The following ABCC8 variants were observed in gnomAD, a reference collection of about 807,000 sequenced individuals.
ABCC8 encodes the protein ATP-binding cassette sub-family C member 8.
ABCC8 carries 137 observed loss-of-function variants against 188.0 expected under a neutral mutation model. The ratio of observed to expected loss-of-function variants is 0.73; its 90% CI spans 0.63 to 0.84. The LOEUF is 0.84. Ranked by LOEUF, ABCC8 falls within the 40% of genes least tolerant of loss-of-function variation. The pLI, the probability that ABCC8 is intolerant of heterozygous loss-of-function variation, is 0.00. For synonymous variants in ABCC8, 797 were observed against 846.5 expected (o/e 0.94, Z 1.01); for missense variants, 1,750 against 2,072.7 (o/e 0.84, Z 3.02).
At chr11:17,467,085 C>CACACACAA (rs1554945177) in intron 3 of ABCC8, among the ~76,000 whole-genome samples, 2 of 150,680 alleles carry the variant, frequency 1.3e-5, no homozygotes, top group Non-Finnish European at 2.9e-5. Context: ...CACACACACA[C>CACACACAA]AACTTCCCAT....
chr11:17,443,351 T>G, intron 8 of ABCC8, 39 bp from the exon 9 acceptor site: 4 of 1,613,636 alleles, frequency 2.5e-6, no homozygotes, highest in Non-Finnish European at 3.4e-6. Context: ...TTTGACCTGA[T>G]GGTTGCCCTG....
At chr11:17,442,929 C>G (rs1193381667) in intron 9 of ABCC8, 47 bp from the exon 10 acceptor site, 2 of 1,604,120 alleles carry the variant, frequency 1.2e-6, no homozygotes, top group Admixed American at 3.3e-5. Context: ...GCTCCGTCTC[C>G]CACCCGAGAG....
chr11:17,427,865 A>G lies in ABCC8; in HGVS notation c.2116+2T>C, dbSNP rs786204676. 6.2e-6 allele frequency: 10 copies of G among 1,613,796 alleles called. No individual in the cohort carries two copies. Among genetic ancestry groups the G allele is most frequent in the Non-Finnish European group, 8.5e-6 (10 of 1,179,938 alleles). ...ATGCTGGAGGGGTGGACTGGGCCAT[A>G]CCTCGGGGGATACGAATGGTGATGT... is the stretch of plus-strand genomic sequence containing the variant. On this transcript the variant is annotated splice_donor_variant, in intron 15 of 38. Coordinates refer to ENST00000389817, the MANE Select transcript of ABCC8 (RefSeq NM_000352.6). LOFTEE classifies it high-confidence loss of function. This position sits in a 1 kb window ranked among gnomAD's most constrained non-coding sequence, Gnocchi z 5.0.
In ABCC8 at chr11:17,395,191, C is replaced by T. The variant is rs2133398226; in HGVS notation, c.4392G>A (p.Lys1464=). ...LEIAQLKLVV[K]ALPGGLDAII... ...AGTTACCGAGGCCTCCTGGCAGTGCCTTCACCACCAGCTTCAGCTGGGCGA... is the reference window on the plus strand; with the variant it reads ...AGTTACCGAGGCCTCCTGGCAGTGCTTTCACCACCAGCTTCAGCTGGGCGA... Residue 1464 remains lysine (K), a synonymous_variant, in exon 36 of 39, where the codon AAG becomes AAA. Transcript: ENST00000389817. 2 of 1,583,746 alleles carry T rather than the reference C, an allele frequency of 1.3e-6. No homozygotes were observed. The highest frequency in any genetic ancestry group is 1.7e-4 in the Middle Eastern group (1 of 6,022).
chr11:17,395,533 C>T (rs1953870926), intron 35 of ABCC8, 77 bp downstream of exon 35: 2 of 1,524,242 alleles, frequency 1.3e-6, no homozygotes, highest in Middle Eastern at 1.7e-4. Flanking sequence ...CCCCCAACCC[C>T]CTCCTCTTTG....
At chr11:17,460,742 C>A in intron 5 of ABCC8, 66 bp from the exon 6 acceptor site, 1 of 1,593,408 alleles carries the variant, frequency 6.3e-7, no homozygotes, top group East Asian at 2.2e-5. Context: ...GCCTAGCCTC[C>A]CAGGATGCCC....
At chr11:17,443,527 T>C in intron 8 of ABCC8, 1 of 634,120 alleles carries the variant, frequency 1.6e-6, no homozygotes, top group African/African-American at 1.8e-5. Flanking sequence ...AAGCAGAGGG[T>C]TGCTGGGCTG....
chr11:17,406,440 G>A, intron 26 of ABCC8, 182 bp downstream of exon 26: 1 of 640,562 alleles, frequency 1.6e-6, no homozygotes, highest in Non-Finnish European at 2.7e-6. Flanking sequence ...GTATCTGGCT[G>A]AGTAAATGCC....
rs763140677 is a variant in ABCC8, at chr11:17,392,974, A to G, written c.*17T>C. 2 of 1,613,920 alleles carry G rather than the reference A, an allele frequency of 1.2e-6. No homozygotes were observed. The highest frequency in any genetic ancestry group is 3.3e-5 in the Admixed American group (2 of 60,032). Reference sequence around the variant, plus strand: ...GGGCAGGGTCCGAATGTGGGATGGCACTTGGGCTCTGGCAGGTCACTTGTC... The same window carrying G: ...GGGCAGGGTCCGAATGTGGGATGGCGCTTGGGCTCTGGCAGGTCACTTGTC... On this transcript the variant is annotated 3_prime_UTR_variant, in exon 39 of 39. Transcript: ENST00000389817.
At chr11:17,426,922 G>T in intron 16 of ABCC8, 127 bp downstream of exon 16, 1 of 1,049,320 alleles carries the variant, frequency 9.5e-7, no homozygotes, top group Non-Finnish European at 1.4e-6. Context: ...ATATCCATTA[G>T]CAGCATTTAT....
intron 14 of ABCC8, 115 bp downstream of exon 14, chr11:17,428,174 G>A: frequency 1.3e-6 from 2 of 1,564,162 alleles, no homozygotes; most frequent in Non-Finnish European, 1.7e-6. Context: ...GGACCGTACA[G>A]GCAGGCAGGG....
intron 10 of ABCC8, among the ~76,000 whole-genome samples, chr11:17,442,357 A>T (rs932570390): frequency 3.9e-5 from 6 of 152,186 alleles, no homozygotes; most frequent in Non-Finnish European, 5.9e-5. Context: ...CTTACTAAAA[A>T]GTCTTCATTC....
chr11:17,397,830 A>G, intron 30 of ABCC8, 33 bp from the exon 31 acceptor site: 12 of 1,611,338 alleles, frequency 7.4e-6, no homozygotes, highest in Non-Finnish European at 1.0e-5. Context: ...CTGGGCGCTC[A>G]GGGGTTAGAG....
At chr11:17,424,418 A>G (rs978163240) in intron 16 of ABCC8, among the ~76,000 whole-genome samples, 15 of 152,044 alleles carry the variant, frequency 9.9e-5, no homozygotes, top group African/African-American at 3.6e-4. Context: ...TTCCTAAGAG[A>G]GAGGGGCAGC....
At position 17,397,838 on chromosome 11, in the gene ABCC8, G is replaced by C. The variant is rs372917169; in HGVS notation, c.3754-41C>G. 2.0e-4 allele frequency: 329 copies of C among 1,609,636 alleles called. 1 individual carries two copies. The highest frequency in any genetic ancestry group is 1.6e-4 in the Non-Finnish European group (190 of 1,178,912). ...AGCTGACCTGGGCGCTCAGGGGTTA[G>C]AGCCACAGGCCCCTGTTCTACCTCA... On this transcript the variant is annotated intron_variant, in intron 30 of 38. Coordinates refer to ENST00000389817, the MANE Select transcript of ABCC8 (RefSeq NM_000352.6).
chr11:17,396,837 C>T (rs1455370236), intron 33 of ABCC8, 79 bp downstream of exon 33: 18 of 1,574,946 alleles, frequency 1.1e-5, no homozygotes, highest in East Asian at 9.1e-5. Flanking sequence ...GAGGTGACTG[C>T]GAAGCCATCC....
intron 5 of ABCC8, 137 bp from the exon 6 acceptor site, chr11:17,460,813 G>T (rs1368175133): frequency 6.6e-7 from 1 of 1,507,090 alleles, no homozygotes; most frequent in Non-Finnish European, 8.8e-7. Flanking sequence ...GTGAACTCCA[G>T]GAAGAGATCA....
At position 17,412,695 on chromosome 11, in the gene ABCC8, G is replaced by A. The variant is rs1460523087; in HGVS notation, c.2527C>T (p.Leu843Phe). The change falls in exon 21 of 39, where the codon CTC (leucine) becomes TTC (phenylalanine). Residue 843 changes from leucine to phenylalanine, a missense_variant. By Grantham distance (22) the Leu-to-Phe change is conservative. Coordinates refer to ENST00000389817, the MANE Select transcript of ABCC8 (RefSeq NM_000352.6). ...AAGACAACGTTGGCGTGCTGGTAGA[G>A]GGCTCGGGCCACACTGATTCGCTGG... ...QRQRISVARA[L>F]YQHANVVFLD... 6.2e-7 allele frequency: 1 copy of A among 1,612,252 alleles called. No homozygotes were observed. Among genetic ancestry groups the A allele is most frequent in the Non-Finnish European group, 8.5e-7 (1 of 1,179,184 alleles).
intron 23 of ABCC8, 50 bp from the exon 24 acceptor site, chr11:17,407,503 G>C (rs778561629): frequency 6.2e-7 from 1 of 1,613,414 alleles, no homozygotes; most frequent in African/African-American, 1.3e-5. Context: ...TATGGTTGGT[G>C]GGGGAAGGGG....
Sources: gnomAD v4.1 joint callset for allele counts (sites outside exome capture counted in the v4.1 genomes callset) on GRCh38, gnomAD v4.1.1 for gene constraint, Gnocchi (gnomAD v3.1) non-coding constraint, MANE v1.5 for transcripts, NCBI Gene and HGNC (gene_info 2026-07-23, HGNC 2026-07-21) for gene names.